The following DGKB variants were observed in gnomAD, a reference collection of about 807,000 sequenced individuals.
The protein encoded by DGKB is 90 kDa diacylglycerol kinase.
In DGKB, 67 loss-of-function variants were observed where a neutral mutation model predicts 114.3. That is an observed-to-expected ratio of 0.59 (90% CI 0.48 to 0.72). DGKB has a LOEUF of 0.72. Among genes scored for constraint, DGKB ranks in the 30% least tolerant of loss-of-function variants. DGKB has a pLI of 0.00. For missense variants in DGKB, 907 were observed against 975.2 expected, an observed-to-expected ratio of 0.93 and a Z score of 0.93; for synonymous variants, 398 against 323.1, an observed-to-expected ratio of 1.23 and a Z score of -2.49.
intron 17 of DGKB, among the ~76,000 whole-genome samples, chr7:14,597,634 C>A (rs1306275518): frequency 6.6e-6 from 1 of 151,998 alleles, no homozygotes; most frequent in African/African-American, 2.4e-5. Flanking sequence ...CCTTGAGTTG[C>A]AGATTTTAAA....
chr7:14,845,863 A>T (rs1354432072), intron 1 of DGKB, among the ~76,000 whole-genome samples: 2 of 151,962 alleles, frequency 1.3e-5, no homozygotes, highest in African/African-American at 4.8e-5. Flanking sequence ...TCAGGTACAA[A>T]GCTTTTACAG....
intron 2 of DGKB, among the ~76,000 whole-genome samples, chr7:14,770,765 G>T (rs576120525): frequency 5.1e-4 from 77 of 152,124 alleles, no homozygotes; most frequent in African/African-American, 1.7e-3. Context: ...GCATATTGTG[G>T]CAGGCCAGTT....
Position 14,648,683 on chromosome 7 carries a change from G to T in DGKB, c.1135-18415C>A, listed in dbSNP as rs571040983. Among the ~76,000 whole-genome samples, 6 of 151,678 alleles carry T rather than the reference G, an allele frequency of 4.0e-5. No homozygotes were observed. The East Asian group carries it at 7.8e-4, about 20-fold the overall frequency. On this transcript the variant is annotated intron_variant, in intron 13 of 25. Transcript: ENST00000402815. ...GAGCTGAGAGAAGAAGGCTTCAGTCGATCAAATTACTCTGAGCTACGGGAG... is the reference window on the plus strand; with the variant it reads ...GAGCTGAGAGAAGAAGGCTTCAGTCTATCAAATTACTCTGAGCTACGGGAG...
At chr7:14,731,148 A>C (rs2128387829) in intron 5 of DGKB, among the ~76,000 whole-genome samples, 1 of 152,298 alleles carries the variant, frequency 6.6e-6, no homozygotes. Context: ...AGGACTGGGA[A>C]GTGGATAGAT....
intron 13 of DGKB, among the ~76,000 whole-genome samples, chr7:14,669,469 G>A (rs1419500983): frequency 6.6e-6 from 1 of 152,106 alleles, no homozygotes; most frequent in African/African-American, 2.4e-5. Flanking sequence ...AGCCACAGAG[G>A]TGACTCCCTC....
intron 1 of DGKB, among the ~76,000 whole-genome samples, chr7:14,889,998 T>C (rs1587226606): frequency 1.3e-5 from 2 of 151,578 alleles, no homozygotes; most frequent in Non-Finnish European, 3.0e-5. Flanking sequence ...AAGTAAAACA[T>C]GTATGCATTA....
chr7:14,872,499 A>G (rs1333249747), intron 1 of DGKB, among the ~76,000 whole-genome samples: 2 of 152,162 alleles, frequency 1.3e-5, no homozygotes, highest in African/African-American at 4.8e-5. Flanking sequence ...CTTATGTTAT[A>G]TGCACTCTCT....
At chr7:14,658,992 T>C (rs954412148) in intron 13 of DGKB, among the ~76,000 whole-genome samples, 1 of 151,876 alleles carries the variant, frequency 6.6e-6, no homozygotes, top group Admixed American at 6.6e-5. Flanking sequence ...CATGGTGGTT[T>C]GCTGCACCTA....
intron 13 of DGKB, among the ~76,000 whole-genome samples, chr7:14,664,837 T>C (rs1817744777): frequency 6.6e-6 from 1 of 151,814 alleles, no homozygotes; most frequent in Non-Finnish European, 1.5e-5. Context: ...CAACTGCTCT[T>C]ATCTGGATTT....
chr7:14,949,978 G>T (rs1786095312), intron 1 of DGKB, among the ~76,000 whole-genome samples: 1 of 151,810 alleles, frequency 6.6e-6, no homozygotes, highest in African/African-American at 2.4e-5. Flanking sequence ...GGGAGGGATA[G>T]CATTAGGAGA....
chr7:14,673,364 G>A (rs1241185073), intron 12 of DGKB, among the ~76,000 whole-genome samples: 1 of 145,364 alleles, frequency 6.9e-6, no homozygotes, highest in Non-Finnish European at 1.5e-5. Flanking sequence ...TTGCTTATCT[G>A]TTAGCATAAT....
rs201400025 is a variant in DGKB at position 14,416,199 on chromosome 7, C to T, written c.1835+61962G>A. Reference sequence around the variant, plus strand: ...CTTTGTCAGATGAGTAGGTGGCAAACATTTTCTCCCATTCTGTAGGTTGCA... The same window carrying T: ...CTTTGTCAGATGAGTAGGTGGCAAATATTTTCTCCCATTCTGTAGGTTGCA... On this transcript the variant is annotated intron_variant, in intron 21 of 25. Transcript: ENST00000402815. Among the ~76,000 whole-genome samples, 56 of 151,936 alleles carry T rather than the reference C, an allele frequency of 3.7e-4. 1 individual carries two copies. The East Asian group carries it at 0.01, about 27-fold the overall frequency.
At chr7:14,565,045 G>C (rs1384155694) in intron 20 of DGKB, among the ~76,000 whole-genome samples, 1 of 152,152 alleles carries the variant, frequency 6.6e-6, no homozygotes, top group Non-Finnish European at 1.5e-5. Context: ...CTTCCGTCAA[G>C]AGGTAGATTC....
chr7:14,776,376 C>G (rs1838186211), intron 2 of DGKB, among the ~76,000 whole-genome samples: 2 of 152,172 alleles, frequency 1.3e-5, no homozygotes, highest in Admixed American at 6.5e-5. Context: ...GAAAATGACT[C>G]CAGGGTATGT....
chr7:14,715,189 C>A (rs992794301), intron 6 of DGKB, among the ~76,000 whole-genome samples: 12 of 152,110 alleles, frequency 7.9e-5, no homozygotes, highest in Admixed American at 3.9e-4. Flanking sequence ...TTGTACTATG[C>A]AATAATTAAA....
At chr7:14,955,260 C>T (rs1446126335) in intron 1 of DGKB, among the ~76,000 whole-genome samples, 1 of 152,040 alleles carries the variant, frequency 6.6e-6, no homozygotes, top group African/African-American at 2.4e-5. Context: ...TCCAGTTTCA[C>T]AGTGAATAAG....
intron 16 of DGKB, among the ~76,000 whole-genome samples, chr7:14,612,724 G>C (rs189670853): frequency 6.6e-6 from 1 of 152,032 alleles, no homozygotes; most frequent in Admixed American, 6.6e-5. Context: ...GTTTATGACT[G>C]TCATCTTTAG....
chr7:14,688,647 A>G, intron 9 of DGKB, among the ~76,000 whole-genome samples: 1 of 152,204 alleles, frequency 6.6e-6, no homozygotes, highest in East Asian at 1.9e-4. Context: ...GTCCGTGTTT[A>G]TGACAGATAA....
At chr7:14,582,283 C>T (rs1254020740) in intron 18 of DGKB, among the ~76,000 whole-genome samples, 1 of 152,100 alleles carries the variant, frequency 6.6e-6, no homozygotes, top group Non-Finnish European at 1.5e-5. Flanking sequence ...TAACCAGTTC[C>T]AACAACTGAC....
Sources: gnomAD v4.1 joint callset for allele counts (sites outside exome capture counted in the v4.1 genomes callset) on GRCh38, gnomAD v4.1.1 for gene constraint, MANE v1.5 for transcripts, NCBI Gene and HGNC (gene_info 2026-07-23, HGNC 2026-07-21) for gene names.